Variants in EYS observed in about 807,000 individuals in gnomAD.
EYS encodes the protein EGF-like photoreceptor maintenance factor, also known as protein eyes shut homolog.
In EYS, 250 loss-of-function variants were observed where a neutral mutation model predicts 282.1. That is an observed-to-expected ratio of 0.89 (90% confidence interval 0.80 to 0.98). The LOEUF (loss-of-function observed/expected upper bound fraction) is 0.98. Among genes scored for constraint, EYS ranks in the 50% least tolerant of loss-of-function variants. The pLI, the probability that EYS is intolerant of heterozygous loss-of-function variation, is 0.00. For missense variants in EYS, 4,016 were observed against 3,709.0 expected (o/e 1.08, Z -2.15); for synonymous variants, 1,355 against 1,282.9 (o/e 1.06, Z -1.20).
chr6:64,451,417 T>C (rs1775334873), intron 26 of EYS, among the ~76,000 whole-genome samples: 1 of 152,170 alleles, frequency 6.6e-6, no homozygotes, highest in African/African-American at 2.4e-5. Context: ...CACAGCCGAA[T>C]TCTACCAGAG....
intron 26 of EYS, among the ~76,000 whole-genome samples, chr6:64,488,735 A>C (rs1473914303): frequency 1.3e-5 from 2 of 151,060 alleles, no homozygotes; most frequent in African/African-American, 4.8e-5. Flanking sequence ...TAGCAGAGGC[A>C]ACATGTAGAT....
At chr6:64,910,807 A>G (rs1767966587) in intron 16 of EYS, among the ~76,000 whole-genome samples, 1 of 152,040 alleles carries the variant, frequency 6.6e-6, no homozygotes, top group Non-Finnish European at 1.5e-5. Flanking sequence ...AAATATCACT[A>G]TATTTTATAA....
intron 26 of EYS, among the ~76,000 whole-genome samples, chr6:64,448,683 G>A (rs1049983826): frequency 6.6e-6 from 1 of 152,164 alleles, no homozygotes; most frequent in Non-Finnish European, 1.5e-5. Context: ...TCAGGCAGCA[G>A]CATTTGCGGT....
chr6:63,891,022 C>T (rs1051141889), intron 35 of EYS, among the ~76,000 whole-genome samples: 5 of 152,152 alleles, frequency 3.3e-5, no homozygotes, highest in Admixed American at 2.0e-4. Flanking sequence ...CATACAGCCT[C>T]CCAAGACTAA....
intron 12 of EYS, among the ~76,000 whole-genome samples, chr6:65,113,095 A>G (rs1775261103): frequency 6.6e-6 from 1 of 152,082 alleles, no homozygotes; most frequent in African/African-American, 2.4e-5. Flanking sequence ...AGCTCTTGCA[A>G]ACCTCCTTTT....
intron 35 of EYS, among the ~76,000 whole-genome samples, chr6:63,933,561 G>C (rs2149752814): frequency 6.6e-6 from 1 of 152,214 alleles, no homozygotes; most frequent in African/African-American, 2.4e-5. Context: ...TTACATCATT[G>C]GCCATTGGTG....
At chr6:63,986,451 T>C (rs1767371945) in intron 34 of EYS, among the ~76,000 whole-genome samples, 1 of 151,880 alleles carries the variant, frequency 6.6e-6, no homozygotes, top group Non-Finnish European at 1.5e-5. Context: ...TCAGTCATTC[T>C]ACCATAAAGA....
intron 26 of EYS, among the ~76,000 whole-genome samples, chr6:64,566,619 A>G (rs1765574644): frequency 6.6e-6 from 1 of 152,156 alleles, no homozygotes; most frequent in Non-Finnish European, 1.5e-5. Flanking sequence ...TTGGCTATTT[A>G]CACATATTTT....
At chr6:63,954,683 G>T (rs1458264508) in intron 35 of EYS, among the ~76,000 whole-genome samples, 1 of 152,028 alleles carries the variant, frequency 6.6e-6, no homozygotes, top group Non-Finnish European at 1.5e-5. Context: ...CCTCACGGCA[G>T]TTGTTCTTCT....
chr6:64,371,922 G>T (rs1772387315), intron 29 of EYS, among the ~76,000 whole-genome samples: 2 of 152,002 alleles, frequency 1.3e-5, no homozygotes, highest in African/African-American at 4.8e-5. Context: ...GTGTGAGATT[G>T]GTCTCCTGAA....
chr6:64,046,363 T>TTC (rs1247571776), intron 33 of EYS, among the ~76,000 whole-genome samples: 2 of 150,272 alleles, frequency 1.3e-5, no homozygotes, highest in East Asian at 1.9e-4. Context: ...ATTTATCTGT[T>TTC]TCTCTCTCTC....
At chr6:65,358,825 G>T (rs1326756214) in intron 8 of EYS, among the ~76,000 whole-genome samples, 2 of 151,798 alleles carry the variant, frequency 1.3e-5, no homozygotes, top group East Asian at 3.9e-4. Flanking sequence ...TAAACAATAG[G>T]TGTTTATAAG....
intron 12 of EYS, among the ~76,000 whole-genome samples, chr6:65,080,783 A>G (rs1774210757): frequency 6.6e-6 from 1 of 152,170 alleles, no homozygotes; most frequent in Non-Finnish European, 1.5e-5. Flanking sequence ...TAAATTGGCT[A>G]GAAACACAAT....
At chr6:64,536,442 C>T (rs77102820) in intron 26 of EYS, among the ~76,000 whole-genome samples, 16,011 of 152,196 alleles carry the variant, frequency 0.11, 913 homozygotes, top group Non-Finnish European at 0.14. Context: ...CAGGTACTCT[C>T]TATTACATGG....
chr6:63,769,350 G>A (rs1490151258), intron 40 of EYS, among the ~76,000 whole-genome samples: 4 of 151,706 alleles, frequency 2.6e-5, no homozygotes, highest in Non-Finnish European at 5.9e-5. Context: ...CAGGACATAA[G>A]GCAGATTTAA....
intron 16 of EYS, 58 bp from the exon 17 acceptor site, chr6:64,902,558 C>G: frequency 9.8e-7 from 1 of 1,022,320 alleles, no homozygotes; most frequent in South Asian, 1.7e-5. Context: ...GTAAAAAAAT[C>G]AGAATCAGTG....
chr6:64,677,538 T>C (rs1279643492), intron 22 of EYS, among the ~76,000 whole-genome samples: 1 of 152,118 alleles, frequency 6.6e-6, no homozygotes, highest in Admixed American at 6.6e-5. Flanking sequence ...GTCTTAAAGG[T>C]AGTAATGCTA....
intron 22 of EYS, among the ~76,000 whole-genome samples, chr6:64,757,427 G>A (rs1772977582): frequency 6.6e-6 from 1 of 150,656 alleles, no homozygotes; most frequent in African/African-American, 2.5e-5. Context: ...CAAAAGACAT[G>A]CATTTTTTTT....
intron 31 of EYS, among the ~76,000 whole-genome samples, chr6:64,209,729 T>C (rs548257707): frequency 6.6e-6 from 1 of 152,264 alleles, no homozygotes; most frequent in South Asian, 2.1e-4. Flanking sequence ...AAATCTTTAC[T>C]AGTTTCTCTT....
Sources: gnomAD v4.1 joint callset for allele counts (sites outside exome capture counted in the v4.1 genomes callset) on GRCh38, gnomAD v4.1.1 for gene constraint, MANE v1.5 for transcripts, NCBI Gene and HGNC (gene_info 2026-07-23, HGNC 2026-07-21) for gene names.